The following RARB variants were observed in gnomAD, a reference collection of about 807,000 sequenced individuals.
RARB encodes HBV-activated protein.
In RARB, 17 loss-of-function variants were observed where a neutral mutation model predicts 51.9. That is an observed-to-expected ratio of 0.33 (90% CI 0.22 to 0.49). The LOEUF (loss-of-function observed/expected upper bound fraction) is 0.49, where lower values mean the gene tolerates loss of function less well. Ranked by LOEUF, RARB falls within the 20% of genes least tolerant of loss-of-function variation. The pLI is 0.99. For synonymous variants in RARB, 215 were observed against 195.4 expected (o/e 1.10, Z -0.84); for missense variants, 369 against 550.8 (o/e 0.67, Z 3.30).
rs35856686 is a variant in RARB, at chr3:25,506,252, C to CAA, written c.448+4952_448+4953dup. Among the ~76,000 whole-genome samples, 310 of 57,184 alleles carry CAA rather than the reference C, an allele frequency of 5.4e-3. 1 individual carries two copies. Among genetic ancestry groups the CAA allele is most frequent in the African/African-American group, 9.4e-3 (134 of 14,224 alleles). 37.5% of individuals were successfully genotyped at this position (57,184 alleles called of 152,430 possible). On this transcript the variant is annotated intron_variant, in intron 3 of 7. Coordinates refer to ENST00000330688, the MANE Select transcript of RARB (RefSeq NM_000965.5). ...TGGGCGACAGGGTGAGACTCCATCT[C>CAA]AAAAAAAAAAAAAAAAAAAAAAAAC...
At chr3:25,084,462 T>A (rs1575153182) in intron 3 of RARB, among the ~76,000 whole-genome samples, 1 of 152,180 alleles carries the variant, frequency 6.6e-6, no homozygotes, top group African/African-American at 2.4e-5. Flanking sequence ...TTTTATTTTG[T>A]TGACTTTTAA....
chr3:25,203,316 T>C (rs1346299910), intron 5 of RARB, among the ~76,000 whole-genome samples: 2 of 152,216 alleles, frequency 1.3e-5, no homozygotes, highest in African/African-American at 4.8e-5. Context: ...ATTTTGAGGC[T>C]ATGTGTGTCT....
intron 3 of RARB, among the ~76,000 whole-genome samples, chr3:25,085,063 A>G (rs1245202253): frequency 6.6e-6 from 1 of 152,186 alleles, no homozygotes; most frequent in African/African-American, 2.4e-5. Context: ...AATAGGATCC[A>G]TTATTTTGAA....
chr3:25,125,854 C>G (rs138924009), intron 3 of RARB, among the ~76,000 whole-genome samples: 114 of 152,280 alleles, frequency 7.5e-4, no homozygotes, highest in Middle Eastern at 3.4e-3. Flanking sequence ...GATATCAGCA[C>G]CACTGCTCTG....
chr3:25,162,406 C>T (rs1041697531), intron 4 of RARB, among the ~76,000 whole-genome samples: 2 of 152,246 alleles, frequency 1.3e-5, no homozygotes, highest in African/African-American at 4.8e-5. Context: ...ACACGCCCAG[C>T]CATTCTTTTT....
intron 2 of RARB, among the ~76,000 whole-genome samples, chr3:25,055,202 G>A (rs1698412061): frequency 6.6e-6 from 1 of 152,134 alleles, no homozygotes; most frequent in Non-Finnish European, 1.5e-5. Context: ...TTTGGGATTT[G>A]TATTTGTAAA....
At chr3:25,499,569 A>G (rs1052930132) in intron 2 of RARB, among the ~76,000 whole-genome samples, 1 of 152,218 alleles carries the variant, frequency 6.6e-6, no homozygotes, top group African/African-American at 2.4e-5. Flanking sequence ...GCTTTATTTC[A>G]TCGGTGTTTC....
chr3:25,201,721 G>A (rs1026766380), intron 5 of RARB, among the ~76,000 whole-genome samples: 1 of 152,190 alleles, frequency 6.6e-6, no homozygotes, highest in Non-Finnish European at 1.5e-5. Flanking sequence ...CTGTTTATAT[G>A]CTGGATTATG....
chr3:25,389,165 C>T (rs1462426498), intron 5 of RARB, among the ~76,000 whole-genome samples: 1 of 152,150 alleles, frequency 6.6e-6, no homozygotes. Flanking sequence ...CAGAAACAAT[C>T]TGTCCGTTTT....
At chr3:25,146,157 C>T (rs1700185343) in intron 4 of RARB, among the ~76,000 whole-genome samples, 1 of 152,166 alleles carries the variant, frequency 6.6e-6, no homozygotes, top group South Asian at 2.1e-4. Flanking sequence ...TGGTTTTCTT[C>T]TTGGTAAAAT....
chr3:25,129,847 G>C (rs143415767), intron 3 of RARB, among the ~76,000 whole-genome samples: 1 of 152,192 alleles, frequency 6.6e-6, no homozygotes, highest in African/African-American at 2.4e-5. Context: ...CAGAGTGATG[G>C]AGGAAGAAGG....
chr3:25,209,340 A>G (rs1405293411), intron 5 of RARB, among the ~76,000 whole-genome samples: 1 of 152,334 alleles, frequency 6.6e-6, no homozygotes, highest in African/African-American at 2.4e-5. Context: ...TTTTAGGTGC[A>G]CAGTCATCCC....
intron 2 of RARB, among the ~76,000 whole-genome samples, chr3:24,882,159 A>G (rs1036325626): frequency 3.3e-5 from 5 of 152,232 alleles, no homozygotes; most frequent in Admixed American, 1.3e-4. Flanking sequence ...AACATTCTGC[A>G]TTAAAATCAA....
intron 2 of RARB, among the ~76,000 whole-genome samples, chr3:25,469,906 A>C (rs1432271998): frequency 6.6e-6 from 1 of 152,202 alleles, no homozygotes; most frequent in Non-Finnish European, 1.5e-5. Flanking sequence ...AGTCTTTGAA[A>C]GACCATTCCA....
chr3:24,887,859 G>C (rs1703293114), intron 2 of RARB, among the ~76,000 whole-genome samples: 1 of 152,166 alleles, frequency 6.6e-6, no homozygotes, highest in African/African-American at 2.4e-5. Context: ...CAGCACTCTT[G>C]GCATGTAATG....
rs1324131420 is a variant in RARB at position 25,156,273 on chromosome 3, T to C, written c.-279-17846T>C. ...GACAAGGTAGCTTTGTGATCTTCTT[T>C]GTTTCTGTAAGAATGCCTCTGCAAC... On this transcript the variant is annotated intron_variant, in intron 4 of 11. Transcript: ENST00000383772. Among the ~76,000 whole-genome samples the C allele has an allele frequency of 2.6e-5, 4 of 152,146 alleles. No homozygotes were observed. In the East Asian group the frequency reaches 7.7e-4, roughly 29 times the overall value.
chr3:25,267,021 A>G (rs138289293), intron 5 of RARB, among the ~76,000 whole-genome samples: 80 of 152,318 alleles, frequency 5.3e-4, no homozygotes, highest in Admixed American at 2.9e-3. Flanking sequence ...CTGTAGTTCA[A>G]TTTTCCCCCT....
intron 5 of RARB, among the ~76,000 whole-genome samples, chr3:25,188,716 G>A (rs985783116): frequency 1.1e-4 from 16 of 151,706 alleles, no homozygotes; most frequent in Non-Finnish European, 2.1e-4. Context: ...ACTACCATTT[G>A]TGTGAGAAAC....
chr3:25,586,862 C>T (rs910707792), intron 5 of RARB, among the ~76,000 whole-genome samples: 7 of 152,210 alleles, frequency 4.6e-5, no homozygotes, highest in Non-Finnish European at 1.0e-4. Context: ...CAGGCTTCAG[C>T]GTTGCGCCTG....
Sources: gnomAD v4.1 joint callset for allele counts (sites outside exome capture counted in the v4.1 genomes callset) on GRCh38, gnomAD v4.1.1 for gene constraint, MANE v1.5 for transcripts, NCBI Gene and HGNC (gene_info 2026-07-23, HGNC 2026-07-21) for gene names.